The following GFRA2 variants were observed in gnomAD, a reference collection of about 807,000 sequenced individuals.
GFRA2 encodes GDNF family receptor alpha 2.
A neutral mutation model predicts 48.3 loss-of-function variants in GFRA2; 17 were observed. The ratio of observed to expected loss-of-function variants is 0.35; its 90% CI spans 0.24 to 0.53. The LOEUF is 0.53. GFRA2 is among the 20% of genes least tolerant of loss of function. The probability of loss-of-function intolerance (pLI) is 0.93; values close to 1 mark genes in which losing one functional copy is unlikely to be tolerated. For synonymous variants in GFRA2, 305 were observed against 257.2 expected (o/e 1.19, Z -1.78); for missense variants, 660 against 637.3 (o/e 1.04, Z -0.38).
rs1807406885 is a variant in GFRA2 at position 21,788,634 on chromosome 8, G to A, written c.-475C>T. 2 of 987,116 alleles carry A rather than the reference G, an allele frequency of 2.0e-6. No homozygotes were observed. The highest frequency in any genetic ancestry group is 6.1e-5 in the Admixed American group (1 of 16,312). The allele number at this position is 987,116 out of a possible 1,614,324, so 61.1% of individuals were successfully genotyped here. On this transcript the variant is annotated 5_prime_UTR_variant, in exon 1 of 9. Transcript: ENST00000524240. ...GCAAATAGAAAAGAAATCCACAGACGGGTGTCAGCGCCCAAGAACAATCCA... is the reference window on the plus strand; with the variant it reads ...GCAAATAGAAAAGAAATCCACAGACAGGTGTCAGCGCCCAAGAACAATCCA...
intron 4 of GFRA2, among the ~76,000 whole-genome samples, chr8:21,710,179 G>C (rs1585238493): frequency 6.6e-6 from 1 of 152,230 alleles, no homozygotes; most frequent in Non-Finnish European, 1.5e-5. Flanking sequence ...TGTCTCTGGG[G>C]CTGTGTCCCC....
chr8:21,770,974 A>G (rs1806409404), intron 3 of GFRA2, among the ~76,000 whole-genome samples: 1 of 152,064 alleles, frequency 6.6e-6, no homozygotes, highest in African/African-American at 2.4e-5. Context: ...GATGAGGAGG[A>G]TGCTCCACTT....
chr8:21,699,330 A>AG lies in GFRA2; in HGVS notation c.1218+3474dup, dbSNP rs1365969737. 2.0e-5 allele frequency among the ~76,000 whole-genome samples: 3 copies of AG among 152,144 alleles called. No individual in the cohort carries two copies. In the East Asian group the frequency reaches 5.8e-4, roughly 29 times the overall value. ...CAGAGTCGGCTGCAGGCATGCAGTG[A>AG]GGGGGGCCTTGGGGCAGTCTCTCAA... On this transcript the variant is annotated intron_variant, in intron 7 of 8. Coordinates refer to ENST00000524240, the MANE Select transcript of GFRA2 (RefSeq NM_001495.5).
chr8:21,789,700 T>C (rs1299208690), upstream of GFRA2, among the ~76,000 whole-genome samples: 1 of 151,670 alleles, frequency 6.6e-6, no homozygotes, highest in Non-Finnish European at 1.5e-5. Context: ...CTCGGGAACT[T>C]TGCCCTCACG....
intron 3 of GFRA2, among the ~76,000 whole-genome samples, chr8:21,762,206 C>G (rs1011858148): frequency 1.3e-5 from 2 of 152,144 alleles, no homozygotes; most frequent in African/African-American, 2.4e-5. Flanking sequence ...TTCTGGGCCC[C>G]CTCACCACCA....
At chr8:21,770,999 C>A (rs1234782073) in intron 3 of GFRA2, among the ~76,000 whole-genome samples, 3 of 152,210 alleles carry the variant, frequency 2.0e-5, no homozygotes, top group Admixed American at 6.5e-5. Flanking sequence ...TCCTCAACCC[C>A]TGCATCCAAC....
At chr8:21,771,092 G>A (rs921376671) in intron 3 of GFRA2, among the ~76,000 whole-genome samples, 5 of 152,176 alleles carry the variant, frequency 3.3e-5, no homozygotes, top group African/African-American at 9.6e-5. Context: ...TCCCTGATGC[G>A]CCGTGGGCAC....
intron 4 of GFRA2, among the ~76,000 whole-genome samples, chr8:21,710,933 C>T (rs1287142936): frequency 1.3e-5 from 2 of 152,186 alleles, no homozygotes; most frequent in African/African-American, 2.4e-5. Flanking sequence ...CCTTTGATTG[C>T]TAAAGTTTCT....
chr8:21,699,871 G>A (rs913089552), intron 7 of GFRA2, among the ~76,000 whole-genome samples: 20 of 152,204 alleles, frequency 1.3e-4, no homozygotes, highest in African/African-American at 4.3e-4. Context: ...GCCAGGCACT[G>A]TGCACCCAGC....
chr8:21,780,212 G>T (rs1367772702), intron 2 of GFRA2, among the ~76,000 whole-genome samples: 1 of 151,938 alleles, frequency 6.6e-6, no homozygotes, highest in Non-Finnish European at 1.5e-5. Context: ...GGAGGGCCCG[G>T]GGAAAGGTCT....
At chr8:21,694,398 C>T (rs1802051658) in intron 8 of GFRA2, 66 bp downstream of exon 8, 2 of 1,466,694 alleles carry the variant, frequency 1.4e-6, no homozygotes, top group Admixed American at 1.8e-5. Context: ...CTGAGGCTCG[C>T]CGGGGAAATG....
intron 1 of GFRA2, chr8:21,784,464 C>T (rs1807168287): frequency 2.5e-6 from 1 of 395,744 alleles, no homozygotes; most frequent in Admixed American, 2.6e-5. Context: ...AGAACAGCCA[C>T]TCTCAGGCCA....
intron 2 of GFRA2, among the ~76,000 whole-genome samples, chr8:21,795,221 T>G (rs1449746053): frequency 6.6e-6 from 1 of 152,214 alleles, no homozygotes; most frequent in Non-Finnish European, 1.5e-5. Context: ...GACCACCTTA[T>G]GTGACTATTG....
chr8:21,752,180 A>T lies in GFRA2; in HGVS notation c.440-1238T>A, dbSNP rs73537605. Among the ~76,000 whole-genome samples, 870 of 152,154 alleles carry T rather than the reference A, an allele frequency of 5.7e-3. 8 individuals are homozygous for T. Among genetic ancestry groups the T allele is most frequent in the African/African-American group, 0.02 (816 of 41,484 alleles). On this transcript the variant is annotated intron_variant, in intron 3 of 8. Transcript: ENST00000524240. ...GCTATTACATCACCCATCTTCAATT[A>T]AAAAAAGACCTCCTCGTGACCACAC... is the stretch of plus-strand genomic sequence containing the variant.
intron 4 of GFRA2, among the ~76,000 whole-genome samples, chr8:21,713,168 C>G (rs1002017343): frequency 6.6e-6 from 1 of 152,110 alleles, no homozygotes; most frequent in African/African-American, 2.4e-5. Flanking sequence ...TTTGTTGGAT[C>G]TGGCAACTCT....
intron 4 of GFRA2, among the ~76,000 whole-genome samples, chr8:21,734,520 G>C (rs1415106908): frequency 6.6e-6 from 1 of 150,986 alleles, no homozygotes. Flanking sequence ...GCCTAGTGAG[G>C]TGTTCTGGAC....
At chr8:21,755,972 C>G (rs1805547570) in intron 3 of GFRA2, among the ~76,000 whole-genome samples, 1 of 152,202 alleles carries the variant, frequency 6.6e-6, no homozygotes, top group Non-Finnish European at 1.5e-5. Context: ...CAGGTTCTCT[C>G]CCAGGCCAGC....
chr8:21,798,797 C>T (rs1807721125), intron 2 of GFRA2, among the ~76,000 whole-genome samples: 2 of 152,170 alleles, frequency 1.3e-5, no homozygotes, highest in African/African-American at 4.8e-5. Context: ...TCCAGTGACT[C>T]GGTGCTCCTT....
At chr8:21,743,422 A>C (rs2117559478) in intron 4 of GFRA2, among the ~76,000 whole-genome samples, 1 of 152,298 alleles carries the variant, frequency 6.6e-6, no homozygotes, top group East Asian at 1.9e-4. Flanking sequence ...ACCTAGTAGA[A>C]TTGGGATTTC....
Sources: gnomAD v4.1 joint callset for allele counts (sites outside exome capture counted in the v4.1 genomes callset) on GRCh38, gnomAD v4.1.1 for gene constraint, MANE v1.5 for transcripts, NCBI Gene and HGNC (gene_info 2026-07-23, HGNC 2026-07-21) for gene names.